Variants in NEK3 observed in about 807,000 individuals in gnomAD.
NEK3 encodes the protein serine/threonine-protein kinase Nek3.
A neutral mutation model predicts 66.0 loss-of-function variants in NEK3; 54 were observed. That is an observed-to-expected ratio of 0.82 (90% CI 0.66 to 1.03). The LOEUF (loss-of-function observed/expected upper bound fraction) is 1.03, where lower values mean the gene tolerates loss of function less well. Ranked by LOEUF, NEK3 falls within the 50% of genes least tolerant of loss-of-function variation. The pLI is 0.00. For synonymous variants in NEK3, 200 were observed against 206.2 expected (o/e 0.97, Z 0.26); for missense variants, 593 against 603.0 (o/e 0.98, Z 0.17).
At chr13:52,148,046 T>C (rs1296482233) in intron 8 of NEK3, 2 of 164,660 alleles carry the variant, frequency 1.2e-5, no homozygotes, top group Non-Finnish European at 2.6e-5. Flanking sequence ...GAGATAATAG[T>C]GGTGGTTGCA....
chr13:52,141,100 T>C, intron 10 of NEK3, 31 bp from the exon 11 acceptor site: 2 of 1,557,726 alleles, frequency 1.3e-6, no homozygotes, highest in Non-Finnish European at 1.7e-6. Flanking sequence ...GGTAGAAAGA[T>C]AAAACACATA....
intron 10 of NEK3, among the ~76,000 whole-genome samples, chr13:52,142,785 C>CT (rs1956262539): frequency 6.6e-6 from 1 of 152,232 alleles, no homozygotes; most frequent in South Asian, 2.1e-4. Context: ...TCCTACACTT[C>CT]TTAATTCTTC....
intron 1 of NEK3, 85 bp downstream of exon 1, chr13:52,159,458 C>T (rs1956425970): frequency 6.6e-6 from 1 of 152,612 alleles, no homozygotes; most frequent in African/African-American, 2.4e-5. Flanking sequence ...GCGCGTCTAC[C>T]CCTCGCTCCC....
rs1346728902 is a variant in NEK3 at position 52,133,787 on chromosome 13, C to T, written c.1338G>A (p.Leu446=). The part of the protein sequence containing the change: ...PGSEGFLKGP[L]SEETEASDSV... ...TGTCCGATGCTTCTGTTTCTTCAGACAGGGGGCCTTTCAAGAACCCTTCTG... is the reference window on the plus strand; with the variant it reads ...TGTCCGATGCTTCTGTTTCTTCAGATAGGGGGCCTTTCAAGAACCCTTCTG... Residue 446 remains leucine (L), a synonymous_variant, in exon 15 of 16, where the codon CTG becomes CTA. Transcript: ENST00000610828. 6.3e-7 allele frequency: 1 copy of T among 1,598,796 alleles called. No homozygotes were observed. Among genetic ancestry groups the T allele is most frequent in the Admixed American group, 1.7e-5 (1 of 57,828 alleles).
At chr13:52,141,800 C>G (rs1267665620) in intron 10 of NEK3, among the ~76,000 whole-genome samples, 2 of 151,720 alleles carry the variant, frequency 1.3e-5, no homozygotes, top group Non-Finnish European at 2.9e-5. Flanking sequence ...ACTTTTTTGG[C>G]CGGGTACGGT....
intron 8 of NEK3, among the ~76,000 whole-genome samples, chr13:52,145,680 T>C (rs546462809): frequency 6.6e-6 from 1 of 152,182 alleles, no homozygotes; most frequent in African/African-American, 2.4e-5. Flanking sequence ...AAAGCAGCTA[T>C]GAAAATTTGA....
At chr13:52,136,368 T>G in intron 12 of NEK3, 109 bp from the exon 13 acceptor site, 1 of 1,086,308 alleles carries the variant, frequency 9.2e-7, no homozygotes. Context: ...CTCTTTCATA[T>G]TCAGATCTAT....
In NEK3 at chr13:52,151,038, A is replaced by G. The variant is rs936810450; in HGVS notation, c.548+108T>C. On this transcript the variant is annotated intron_variant, in intron 7 of 15. Transcript: ENST00000610828. ...TTTCAGATATATTTCTTAGAAACCA[A>G]TATGATCCATGCATCTGTTTTGAAG... 5 of 794,896 alleles carry G rather than the reference A, an allele frequency of 6.3e-6. No homozygotes were observed. The Admixed American group carries it at 7.4e-5, about 12-fold the overall frequency. 49.2% of individuals were successfully genotyped at this position (794,896 alleles called of 1,614,324 possible). A position where few individuals can be genotyped will look rare whatever the true frequency, so the allele number is the denominator to read the frequency against.
At chr13:52,135,911 C>T (rs1241675685) in intron 13 of NEK3, 48 bp from the exon 14 acceptor site, 1 of 1,585,232 alleles carries the variant, frequency 6.3e-7, no homozygotes, top group Non-Finnish European at 8.6e-7. Flanking sequence ...AAAGATTTTT[C>T]AGCATGTACT....
intron 13 of NEK3, 42 bp from the exon 14 acceptor site, chr13:52,135,905 A>G (rs1956201228): frequency 1.1e-5 from 17 of 1,590,266 alleles, no homozygotes; most frequent in Non-Finnish European, 1.5e-5. Flanking sequence ...ATAAAAAAAG[A>G]TTTTTCAGCA....
At chr13:52,157,970 C>T (rs1956408905) in intron 1 of NEK3, among the ~76,000 whole-genome samples, 1 of 152,214 alleles carries the variant, frequency 6.6e-6, no homozygotes, top group African/African-American at 2.4e-5. Context: ...CTCCACCTCC[C>T]AGGTTCAAGT....
intron 12 of NEK3, among the ~76,000 whole-genome samples, chr13:52,136,495 A>G (rs1426024079): frequency 2.6e-5 from 4 of 152,182 alleles, no homozygotes; most frequent in African/African-American, 9.6e-5. Flanking sequence ...TAATATGTAT[A>G]TAGTTACATA....
chr13:52,151,652 G>C (rs1956347655), intron 5 of NEK3, among the ~76,000 whole-genome samples: 1 of 152,244 alleles, frequency 6.6e-6, no homozygotes, highest in African/African-American at 2.4e-5. Context: ...GTGAGAACCT[G>C]TGTCAGGGTG....
At chr13:52,156,379 AC>A in intron 1 of NEK3, 131 bp from the exon 2 acceptor site, 3 of 433,258 alleles carry the variant, frequency 6.9e-6, no homozygotes, top group Non-Finnish European at 1.2e-5. Context: ...AGTGTATGCT[AC>A]CCCAAAATAT....
chr13:52,151,097 A>T, intron 7 of NEK3, 49 bp downstream of exon 7: 1 of 1,448,806 alleles, frequency 6.9e-7, no homozygotes, highest in Non-Finnish European at 9.6e-7. Context: ...TGCAGGCTAA[A>T]ATGCCTGTCA....
chr13:52,138,015 G>C (rs1490023250), intron 11 of NEK3, among the ~76,000 whole-genome samples: 5 of 152,214 alleles, frequency 3.3e-5, no homozygotes, highest in Non-Finnish European at 7.3e-5. Flanking sequence ...AAACATTTTA[G>C]GGGATGGAAA....
chr13:52,134,221 C>T (rs1956183136), intron 14 of NEK3, among the ~76,000 whole-genome samples: 1 of 152,016 alleles, frequency 6.6e-6, no homozygotes, highest in African/African-American at 2.4e-5. Flanking sequence ...GGCGAGGTCT[C>T]GCTATGTTGT....
At chr13:52,152,171 G>A (rs1011507883) in intron 5 of NEK3, among the ~76,000 whole-genome samples, 1 of 152,150 alleles carries the variant, frequency 6.6e-6, no homozygotes, top group Non-Finnish European at 1.5e-5. Context: ...TTAAGTCAAA[G>A]GGTACAAAGT....
At chr13:52,141,135 A>C (rs1414892224) in intron 10 of NEK3, 66 bp from the exon 11 acceptor site, 5 of 1,428,842 alleles carry the variant, frequency 3.5e-6, no homozygotes, top group Admixed American at 4.1e-5. Context: ...TAAGTTCCTA[A>C]TATGATTTTC....
Sources: gnomAD v4.1 joint callset for allele counts (sites outside exome capture counted in the v4.1 genomes callset) on GRCh38, gnomAD v4.1.1 for gene constraint, MANE v1.5 for transcripts, NCBI Gene and HGNC (gene_info 2026-07-23, HGNC 2026-07-21) for gene names.